Variants in LMLN observed in about 807,000 individuals in gnomAD.
The protein encoded by LMLN is leishmanolysin like peptidase.
Under a neutral mutation model 92.3 loss-of-function variants are expected in LMLN, and 70 were observed. That is an observed-to-expected ratio of 0.76 (90% confidence interval 0.63 to 0.92). The LOEUF (loss-of-function observed/expected upper bound fraction) is 0.92. Among genes scored for constraint, LMLN ranks in the 40% least tolerant of loss-of-function variants. The pLI is 0.00. For synonymous variants in LMLN, 308 were observed against 296.2 expected (o/e 1.04, Z -0.41); for missense variants, 691 against 814.6 (o/e 0.85, Z 1.85).
intron 14 of LMLN, among the ~76,000 whole-genome samples, chr3:198,027,530 C>T (rs760083085): frequency 6.6e-6 from 1 of 152,142 alleles, no homozygotes; most frequent in Non-Finnish European, 1.5e-5. Flanking sequence ...CCTCCCCCAG[C>T]CCTGACAGCC....
chr3:198,030,284 C>T (rs1723044292), intron 14 of LMLN, among the ~76,000 whole-genome samples: 1 of 152,186 alleles, frequency 6.6e-6, no homozygotes, highest in African/African-American at 2.4e-5. Context: ...CCCCATCGTA[C>T]ACTTCTTGTT....
At chr3:197,996,236 G>A (rs768503184) in exon 10 of LMLN, 1 of 1,606,736 alleles carries the variant, frequency 6.2e-7, no homozygotes, top group South Asian at 1.1e-5. Context: ...GAAAATCAAG[G>A]TGGTGTGGGC....
chr3:197,976,563 T>C (rs775789185), intron 4 of LMLN, 35 bp from the exon 5 acceptor site: 3 of 1,207,486 alleles, frequency 2.5e-6, no homozygotes, highest in Admixed American at 2.2e-5. Context: ...ATTCTCTTTT[T>C]TGTATTTAAA....
chr3:197,978,449 A>C (rs1365804513), intron 5 of LMLN, among the ~76,000 whole-genome samples: 1 of 152,152 alleles, frequency 6.6e-6, no homozygotes, highest in Admixed American at 6.6e-5. Context: ...TAGCCTTGGC[A>C]ACATTGTGAA....
At chr3:198,017,762 C>T (rs1722679698) in intron 11 of LMLN, among the ~76,000 whole-genome samples, 1 of 151,982 alleles carries the variant, frequency 6.6e-6, no homozygotes, top group African/African-American at 2.4e-5. Context: ...ACTAAAAATA[C>T]AAAAATTAGC....
At chr3:197,988,608 C>A (rs1159151278) in intron 8 of LMLN, among the ~76,000 whole-genome samples, 1 of 151,124 alleles carries the variant, frequency 6.6e-6, no homozygotes, top group African/African-American at 2.4e-5. Flanking sequence ...GATCTTCCCA[C>A]CTCAGCCTCC....
At chr3:198,033,794 C>T (rs1443859793) in intron 14 of LMLN, among the ~76,000 whole-genome samples, 1 of 152,312 alleles carries the variant, frequency 6.6e-6, no homozygotes. Flanking sequence ...TCCTTTTCAG[C>T]GCCAAGCACG....
intron 12 of LMLN, among the ~76,000 whole-genome samples, chr3:198,020,617 T>C (rs1363557703): frequency 6.6e-6 from 1 of 151,918 alleles, no homozygotes; most frequent in Non-Finnish European, 1.5e-5. Context: ...TTTTTGGAGA[T>C]GGAGTCTTGC....
At chr3:198,038,544 C>A (rs747621040) in intron 15 of LMLN, 23 bp from the exon 17 acceptor site, 6 of 1,540,398 alleles carry the variant, frequency 3.9e-6, no homozygotes, top group Middle Eastern at 1.7e-4. Flanking sequence ...TATAGAAAGT[C>A]AGTTTTTTGT....
At position 197,980,549 on chromosome 3, in the gene LMLN, A is replaced by T. The variant is rs201411566; in HGVS notation, c.728+45A>T. The T allele has an allele frequency of 1.5e-4, 227 of 1,555,386 alleles. 1 individual carries two copies. The African/African-American group carries it at 2.9e-3, about 20-fold the overall frequency. ...TTAGTTTCCAAGATCTAATGTGGGA[A>T]CTCTTAAAGCAAACTGTATTTTTAG... On this transcript the variant is annotated intron_variant, in intron 6 of 15. Coordinates refer to ENST00000330198, the Ensembl canonical transcript of LMLN.
In LMLN at chr3:198,002,278, C is replaced by T. The variant is rs576986925; in HGVS notation, c.1232+2936C>T. 1.5e-4 allele frequency among the ~76,000 whole-genome samples: 23 copies of T among 152,142 alleles called. No homozygotes were observed. The South Asian group carries it at 4.8e-3, about 32-fold the overall frequency. ...AGGTAACTGAGACTATAAGTACACACCACTGCACACCTGGCTAACTTTTTG... is the reference window on the plus strand; with the variant it reads ...AGGTAACTGAGACTATAAGTACACATCACTGCACACCTGGCTAACTTTTTG... On this transcript the variant is annotated intron_variant, in intron 11 of 15. Transcript: ENST00000330198.
chr3:197,980,362 G>A, exon 6 of LMLN: 1 of 1,614,062 alleles, frequency 6.2e-7, no homozygotes, highest in Non-Finnish European at 8.5e-7. Flanking sequence ...GTGGCCTCAT[G>A]GAGCAGTGGG....
chr3:198,010,152 T>G (rs1450468359), intron 11 of LMLN, among the ~76,000 whole-genome samples: 3 of 152,160 alleles, frequency 2.0e-5, no homozygotes, highest in East Asian at 3.9e-4. Context: ...ATTTAATTAT[T>G]ATGATGATGA....
intron 11 of LMLN, among the ~76,000 whole-genome samples, chr3:198,016,307 T>G (rs1161604303): frequency 3.3e-5 from 5 of 152,224 alleles, no homozygotes; most frequent in Non-Finnish European, 5.9e-5. Flanking sequence ...GTCTGACCTC[T>G]GAGTTGTAAC....
intron 11 of LMLN, among the ~76,000 whole-genome samples, chr3:198,010,632 G>A (rs965736225): frequency 6.6e-6 from 1 of 151,556 alleles, no homozygotes; most frequent in Admixed American, 6.6e-5. Flanking sequence ...TTGTATTTTT[G>A]TAGAGACAGG....
At chr3:197,962,717 T>A (rs917664270) in intron 1 of LMLN, among the ~76,000 whole-genome samples, 2 of 152,142 alleles carry the variant, frequency 1.3e-5, no homozygotes, top group Non-Finnish European at 2.9e-5. Flanking sequence ...AGGATTATGA[T>A]TCATCTGAAA....
chr3:198,034,482 A>T (rs1016329504), intron 14 of LMLN, among the ~76,000 whole-genome samples: 7 of 152,074 alleles, frequency 4.6e-5, no homozygotes, highest in African/African-American at 1.7e-4. Flanking sequence ...GTGGTAGCAC[A>T]GGCCTGTAGT....
chr3:197,971,243 G>A (rs1391686308), intron 1 of LMLN, among the ~76,000 whole-genome samples: 1 of 152,172 alleles, frequency 6.6e-6, no homozygotes, highest in Non-Finnish European at 1.5e-5. Context: ...CACATGGCTG[G>A]GGAGGCCTCA....
intron 10 of LMLN, among the ~76,000 whole-genome samples, chr3:197,997,702 G>A (rs1722066766): frequency 6.6e-6 from 1 of 152,170 alleles, no homozygotes; most frequent in Admixed American, 6.5e-5. Context: ...AAAAATCAAT[G>A]AACCAACGTG....
Sources: allele counts gnomAD v4.1 joint callset (sites outside exome capture counted in the v4.1 genomes callset), GRCh38; gene constraint gnomAD v4.1.1; transcripts MANE v1.5; gene names NCBI Gene and HGNC (gene_info 2026-07-23, HGNC 2026-07-21).